Variants in RBM28 observed in about 807,000 individuals in gnomAD.
RBM28 encodes the protein RNA-binding protein 28.
RBM28 carries 78 observed loss-of-function variants against 98.3 expected under a neutral mutation model. That is an observed-to-expected ratio of 0.79 (90% CI 0.66 to 0.96). The LOEUF (loss-of-function observed/expected upper bound fraction) is 0.96. Among genes scored for constraint, RBM28 ranks in the 40% least tolerant of loss-of-function variants. The pLI, the probability that RBM28 is intolerant of heterozygous loss-of-function variation, is 0.00. For synonymous variants in RBM28, 306 were observed against 330.9 expected (o/e 0.92, Z 0.82); for missense variants, 838 against 913.0 (o/e 0.92, Z 1.06).
At chr7:128,325,693 ATAAG>A (rs1796334038) in intron 11 of RBM28, 121 bp downstream of exon 11, 1 of 723,176 alleles carries the variant, frequency 1.4e-6, no homozygotes, top group Non-Finnish European at 2.4e-6. Context: ...AAAGTGCTAA[ATAAG>A]TGTTAGTTTT....
intron 5 of RBM28, 111 bp from the exon 6 acceptor site, chr7:128,337,313 T>C: frequency 1.9e-6 from 2 of 1,058,770 alleles, no homozygotes; most frequent in Non-Finnish European, 2.9e-6. Flanking sequence ...ACAAAGAAAC[T>C]GCCAATTCAG....
chr7:128,335,538 C>T lies in RBM28; in HGVS notation c.946+5G>A. ...CTAAAGACATTTATGAAAATCCAAA[C>T]AAACCTTTATCCTCTTGCTCCTCAG... On this transcript the variant is annotated splice_donor_5th_base_variant and intron_variant, in intron 8 of 18. Transcript: ENST00000223073. The T allele has an allele frequency of 6.2e-7, 1 of 1,614,166 alleles. No homozygotes were observed. Among genetic ancestry groups the T allele is most frequent in the Non-Finnish European group, 8.5e-7 (1 of 1,180,020 alleles).
rs1313266878 is a variant in RBM28 at position 128,298,634 on chromosome 7, C to T, written c.*12163G>A. 1 of 152,208 alleles carries T rather than the reference C, an allele frequency of 6.6e-6. No homozygotes were observed. Among genetic ancestry groups the T allele is most frequent in the Non-Finnish European group, 1.5e-5 (1 of 68,048 alleles). The allele number at this position is 152,208 out of a possible 1,614,324, so 9.4% of individuals were successfully genotyped here. A position where few individuals can be genotyped will look rare whatever the true frequency, so the allele number is the denominator to read the frequency against. On this transcript the variant is annotated 3_prime_UTR_variant, in exon 19 of 19. Transcript: ENST00000223073. ...TATATTCTTTACATATAAAACACTG[C>T]TCCTTCAGAGCCAAGCAAAGGATCA...
chr7:128,319,695 T>C, intron 14 of RBM28, among the ~76,000 whole-genome samples: 1 of 152,182 alleles, frequency 6.6e-6, no homozygotes, highest in African/African-American at 2.4e-5. Context: ...GATAATGAGA[T>C]AACGCTTGCC....
At position 128,317,851 on chromosome 7, in the gene RBM28, C is replaced by T. The variant is rs149908934; in HGVS notation, c.1713+106G>A. ...CCACCTTTTTTTTGTCCACTTGCCA[C>T]TGTTTCCCACCCCTCAAATGTCAGA... On this transcript the variant is annotated intron_variant, in intron 15 of 18. Coordinates refer to ENST00000223073, the MANE Select transcript of RBM28 (RefSeq NM_018077.3). 1.9e-3 allele frequency: 2,934 copies of T among 1,557,694 alleles called. 10 individuals carry two copies. Among genetic ancestry groups the T allele is most frequent in the Non-Finnish European group, 2.4e-3 (2,690 of 1,131,514 alleles).
intron 1 of RBM28, among the ~76,000 whole-genome samples, chr7:128,341,377 C>T (rs138968389): frequency 6.6e-6 from 1 of 152,334 alleles, no homozygotes; most frequent in African/African-American, 2.4e-5. Context: ...AAGAGTTTGA[C>T]ACCCAAATGA....
chr7:128,327,647 G>A (rs1161036630), intron 10 of RBM28, among the ~76,000 whole-genome samples: 2 of 151,952 alleles, frequency 1.3e-5, no homozygotes, highest in Non-Finnish European at 2.9e-5. Context: ...ATTACAGGCA[G>A]GTGCCTCCAT....
intron 9 of RBM28, among the ~76,000 whole-genome samples, chr7:128,332,741 A>G (rs1796508536): frequency 1.3e-5 from 2 of 152,342 alleles, no homozygotes; most frequent in Non-Finnish European, 2.9e-5. Flanking sequence ...CTTAAGGACT[A>G]GAAGGCAGGC....
In RBM28 at chr7:128,315,034, G is replaced by A; in HGVS notation, c.1789-14C>T. On this transcript the variant is annotated splice_polypyrimidine_tract_variant and intron_variant, in intron 16 of 18. Transcript: ENST00000223073. ...TCTCATTTTTTGCTGCATAAAACAA[G>A]AAAATGCCATCTGGTTTCTGGATGA... 6.2e-7 allele frequency: 1 copy of A among 1,614,166 alleles called. No individual in the cohort carries two copies. The highest frequency in any genetic ancestry group is 8.5e-7 in the Non-Finnish European group (1 of 1,180,028).
At position 128,309,662 on chromosome 7, in the gene RBM28, G is replaced by A. The variant is rs1048120983; in HGVS notation, c.*1135C>T. On this transcript the variant is annotated 3_prime_UTR_variant, in exon 19 of 19. Coordinates refer to ENST00000223073, the MANE Select transcript of RBM28 (RefSeq NM_018077.3). ...AAAAAAAAAAAAGAAGAAGAAACAG[G>A]GAAGCAGATTTCAGTAAGGGGGCAA... 1 of 153,644 alleles carries A rather than the reference G, an allele frequency of 6.5e-6. No homozygotes were observed. The highest frequency in any genetic ancestry group is 1.4e-5 in the Non-Finnish European group (1 of 69,560). 9.5% of individuals were successfully genotyped at this position (153,644 alleles called of 1,614,324 possible).
chr7:128,339,438 C>T (rs1270578661), intron 2 of RBM28, 117 bp from the exon 3 acceptor site: 3 of 1,121,388 alleles, frequency 2.7e-6, no homozygotes, highest in Admixed American at 2.1e-5. Flanking sequence ...TTAAGTGTGG[C>T]AATAATACCA....
At chr7:128,314,032 G>A (rs900659452) in intron 17 of RBM28, among the ~76,000 whole-genome samples, 9 of 151,624 alleles carry the variant, frequency 5.9e-5, no homozygotes, top group African/African-American at 1.7e-4. Context: ...GCGTGATCTC[G>A]GCTCACTGCA....
intron 17 of RBM28, 26 bp downstream of exon 17, chr7:128,314,738 T>C: frequency 1.2e-6 from 2 of 1,614,218 alleles, no homozygotes; most frequent in Non-Finnish European, 1.7e-6. Context: ...CCCACTGTTC[T>C]GTGCTTCTGC....
rs925374488 is a variant in RBM28 at position 128,298,862 on chromosome 7, A to C, written c.*11935T>G. ...CTGTCTCTATAACAAATACACCAAA[A>C]ATTAGCTAGGCATGGTGGTGTGTGC... is the stretch of plus-strand genomic sequence containing the variant. On this transcript the variant is annotated 3_prime_UTR_variant, in exon 19 of 19. Coordinates refer to ENST00000223073, the MANE Select transcript of RBM28 (RefSeq NM_018077.3). The C allele has an allele frequency of 6.6e-6, 1 of 152,010 alleles. No homozygotes were observed. The highest frequency in any genetic ancestry group is 2.4e-5 in the African/African-American group (1 of 41,336). The allele number at this position is 152,010 out of a possible 1,614,324, so 9.4% of individuals were successfully genotyped here.
Position 128,343,772 on chromosome 7 carries a change from C to T in RBM28, c.22G>A (p.Val8Met). MAGLTLF[V>M]GRLPPSARSE... is the part of the protein sequence containing the mutation. ...CGGGCCGAGGGCGGGAGGCGGCCCA[C>T]AAATAAGGTCAGGCCGGCCATGAGA... Residue 8 changes from valine to methionine, a missense_variant, in exon 1 of 19, where the codon GTG becomes ATG. Coordinates refer to ENST00000223073, the MANE Select transcript of RBM28 (RefSeq NM_018077.3). The T allele has an allele frequency of 6.2e-7, 1 of 1,608,372 alleles. No homozygotes were observed. Among genetic ancestry groups the T allele is most frequent in the Non-Finnish European group, 8.5e-7 (1 of 1,177,288 alleles).
rs148035837 is a variant in RBM28 at position 128,316,857 on chromosome 7, T to C, written c.1788+802A>G. On this transcript the variant is annotated intron_variant, in intron 16 of 18. Coordinates refer to ENST00000223073, the MANE Select transcript of RBM28 (RefSeq NM_018077.3). Reference sequence around the variant, plus strand: ...ATTTTCCAACCTAGGGCCACTGCATTAACCACCAGAATGGCTCGTCTGTTG... The same window carrying C: ...ATTTTCCAACCTAGGGCCACTGCATCAACCACCAGAATGGCTCGTCTGTTG... 3.9e-5 allele frequency among the ~76,000 whole-genome samples: 6 copies of C among 152,320 alleles called. No homozygotes were observed. In the East Asian group the frequency reaches 1.2e-3, roughly 29 times the overall value.
At position 128,309,224 on chromosome 7, in the gene RBM28, G is replaced by A. The variant is rs1466410553; in HGVS notation, c.*1573C>T. 1.3e-5 allele frequency: 2 copies of A among 152,096 alleles called. No homozygotes were observed. The highest frequency in any genetic ancestry group is 2.9e-5 in the Non-Finnish European group (2 of 68,050). The allele number at this position is 152,096 out of a possible 1,614,324, so 9.4% of individuals were successfully genotyped here. A position where few individuals can be genotyped will look rare whatever the true frequency, so the allele number is the denominator to read the frequency against. ...CTGTGTCTACAGGAGTGAACAAGAG[G>A]GATAAAGTCCCTCTCACAAAGCATA... On this transcript the variant is annotated 3_prime_UTR_variant, in exon 19 of 19. Transcript: ENST00000223073.
At chr7:128,317,045 C>T (rs1450131669) in intron 16 of RBM28, among the ~76,000 whole-genome samples, 2 of 152,180 alleles carry the variant, frequency 1.3e-5, no homozygotes, top group African/African-American at 2.4e-5. Flanking sequence ...GTACTGACTG[C>T]GTGCTGACCA....
chr7:128,339,699 A>T lies in RBM28; in HGVS notation c.211T>A (p.Cys71Ser), dbSNP rs1562960065. The change falls in exon 2 of 19, where the codon TGC (cysteine) becomes AGC (serine). Residue 71 changes from cysteine (C) to serine (S), a missense_variant. Cys to Ser is a moderately radical substitution (Grantham distance 112, BLOSUM62 -1). Transcript: ENST00000223073. ...ALKEITTFEG[C>S]KINVTVAKKK... ...TTGGCAACAGTCACGTTGATCTTGC[A>T]ACCTTCAAAGGTGGTAATCTCCTTG... The T allele has an allele frequency of 6.2e-6, 10 of 1,614,050 alleles. No individual in the cohort carries two copies. The highest frequency in any genetic ancestry group is 7.6e-6 in the Non-Finnish European group (9 of 1,179,940).
Sources: allele counts gnomAD v4.1 joint callset (sites outside exome capture counted in the v4.1 genomes callset), GRCh38; gene constraint gnomAD v4.1.1; transcripts MANE v1.5; gene names NCBI Gene and HGNC (gene_info 2026-07-23, HGNC 2026-07-21).